The following SLU7 variants were observed in gnomAD, a reference collection of about 807,000 sequenced individuals.
The protein encoded by SLU7 is spliceosome associated SLU7.
Under a neutral mutation model 87.0 loss-of-function variants are expected in SLU7, and 60 were observed. That is an observed-to-expected ratio of 0.69 (90% CI 0.56 to 0.86). The LOEUF (loss-of-function observed/expected upper bound fraction) is 0.86. Ranked by LOEUF, SLU7 falls within the 40% of genes least tolerant of loss-of-function variation. SLU7 has a pLI of 0.00. For missense variants in SLU7, 507 were observed against 686.6 expected, an observed-to-expected ratio of 0.74 and a Z score of 2.92; for synonymous variants, 197 against 222.0, an observed-to-expected ratio of 0.89 and a Z score of 1.00.
Position 160,407,391 on chromosome 5 carries a change from T to C in SLU7, c.1125+85A>G. 8.2e-7 allele frequency: 1 copy of C among 1,224,806 alleles called. No homozygotes were observed. Among genetic ancestry groups the C allele is most frequent in the Non-Finnish European group, 1.1e-6 (1 of 879,474 alleles). The allele number at this position is 1,224,806 out of a possible 1,614,324, so 75.9% of individuals were successfully genotyped here. ...TGGATTAAGAGGGCTCTCTTTGCAT[T>C]ATTTTCCAAATGTAAAACTAACGCT... is the stretch of plus-strand genomic sequence containing the variant. On this transcript the variant is annotated intron_variant, in intron 11 of 15. Coordinates refer to ENST00000297151, the MANE Select transcript of SLU7 (RefSeq NM_006425.5). This position sits in a 1 kb window ranked among gnomAD's most constrained non-coding sequence, Gnocchi z 4.2.
chr5:160,407,865 A>G lies in SLU7; in HGVS notation c.918-52T>C, dbSNP rs770904695. 4 of 1,529,200 alleles carry G rather than the reference A, an allele frequency of 2.6e-6. No individual in the cohort carries two copies. Among genetic ancestry groups the G allele is most frequent in the Non-Finnish European group, 3.6e-6 (4 of 1,105,448 alleles). The allele number at this position is 1,529,200 out of a possible 1,614,324, so 94.7% of individuals were successfully genotyped here. On this transcript the variant is annotated intron_variant, in intron 9 of 15. Coordinates refer to ENST00000297151, the MANE Select transcript of SLU7 (RefSeq NM_006425.5). The surrounding 1 kb of genome is among the most constrained non-coding windows in gnomAD (Gnocchi z 4.2). ...TCAGAGATTGATTTAAGGAAAATTA[A>G]TTCGTAAAACTGAATCTGAATTAAA...
chr5:160,408,131 A>G (rs966565408), intron 8 of SLU7, 63 bp from the exon 9 acceptor site: 1 of 1,231,720 alleles, frequency 8.1e-7, no homozygotes, highest in Non-Finnish European at 1.2e-6. Context: ...TCAGCAGACT[A>G]GTTGGAGGAG....
intron 1 of SLU7, chr5:160,418,581 T>A (rs114714895): frequency 5.3e-4 from 80 of 152,334 alleles, no homozygotes; most frequent in African/African-American, 1.9e-3. Context: ...AGACACTGTT[T>A]AGCGCTTTAC....
At chr5:160,413,419 C>T (rs1410839891) in intron 5 of SLU7, 37 bp downstream of exon 5, 2 of 1,597,446 alleles carry the variant, frequency 1.3e-6, no homozygotes, top group East Asian at 4.5e-5. Flanking sequence ...AAGGACGATT[C>T]TTTAAAAACC....
At chr5:160,404,967 G>C in intron 13 of SLU7, 64 bp downstream of exon 13, 1 of 1,514,840 alleles carries the variant, frequency 6.6e-7, no homozygotes, top group Non-Finnish European at 9.2e-7. Context: ...GAGACAGCAT[G>C]TTTTAGTTTG....
At chr5:160,415,026 TGAA>T (rs1387157348) in intron 2 of SLU7, 96 bp downstream of exon 2, 2 of 1,025,336 alleles carry the variant, frequency 2.0e-6, no homozygotes, top group Non-Finnish European at 2.8e-6. Flanking sequence ...ATGACATAAA[TGAA>T]GAGAGGTTCC....
intron 13 of SLU7, 58 bp downstream of exon 13, chr5:160,404,973 G>A (rs1764947245): frequency 1.3e-6 from 2 of 1,528,420 alleles, no homozygotes; most frequent in Non-Finnish European, 9.1e-7. Context: ...GCATGTTTTA[G>A]TTTGACTTAG....
rs1184319417 is a variant in SLU7, at chr5:160,415,321, A to C, written c.-16-11T>G. ...GTTATCTGGCCTCCTCTAGGAAAAG[A>C]AGTGAAACTTACAGTAAAAAGTAGG... On this transcript the variant is annotated splice_polypyrimidine_tract_variant and intron_variant, in intron 1 of 15. Coordinates refer to ENST00000297151, the MANE Select transcript of SLU7 (RefSeq NM_006425.5). 1 of 1,527,776 alleles carries C rather than the reference A, an allele frequency of 6.5e-7. No homozygotes were observed. 94.6% of individuals were successfully genotyped at this position (1,527,776 alleles called of 1,614,324 possible).
At chr5:160,403,499 C>G in intron 15 of SLU7, 35 bp from the exon 16 acceptor site, 1 of 1,521,032 alleles carries the variant, frequency 6.6e-7, no homozygotes, top group African/African-American at 1.4e-5. Flanking sequence ...TATCACAGCT[C>G]TACATCAGAT....
At position 160,408,664 on chromosome 5, in the gene SLU7, G is replaced by T; in HGVS notation, c.673C>A (p.Pro225Thr). The T allele has an allele frequency of 6.4e-7, 1 of 1,572,528 alleles. No homozygotes were observed. The highest frequency in any genetic ancestry group is 8.7e-7 in the Non-Finnish European group (1 of 1,151,542). ...SPKHQWGEEE[P>T]NSQMEKDHNS... ...ATATGTATTACCATCTGAGAATTTG[G>T]TTCCTCTTCTCCCCACTGGTGTTTT... The change falls in exon 7 of 16, where the codon CCA becomes ACA. Residue 225 changes from proline (P) to threonine (T), a missense_variant. Physicochemically the swap from Pro to Thr is conservative, Grantham distance 38. This residue lies in a region of SLU7 where 155 missense variants were observed against 154.4 expected (regional missense o/e 1.00). Coordinates refer to ENST00000297151, the MANE Select transcript of SLU7 (RefSeq NM_006425.5).
At position 160,414,297 on chromosome 5, in the gene SLU7, T is replaced by G; in HGVS notation, c.324+22A>C. The G allele has an allele frequency of 2.6e-6, 4 of 1,557,024 alleles. No individual in the cohort carries two copies. The South Asian group carries it at 4.9e-5, about 19-fold the overall frequency. On this transcript the variant is annotated intron_variant, in intron 3 of 15. Coordinates refer to ENST00000297151, the MANE Select transcript of SLU7 (RefSeq NM_006425.5). Reference sequence around the variant, plus strand: ...CTTAAACTCTCCATATCCATGAAGATGTATACAGGTTGCCTACATACCTCT... The same window carrying G: ...CTTAAACTCTCCATATCCATGAAGAGGTATACAGGTTGCCTACATACCTCT...
intron 1 of SLU7, chr5:160,417,051 C>G (rs553304110): frequency 6.6e-6 from 1 of 152,298 alleles, no homozygotes; most frequent in Admixed American, 6.5e-5. Context: ...TGAGAGGTAC[C>G]TTTCACCATG....
chr5:160,411,591 G>GT (rs1391615295), intron 6 of SLU7, among the ~76,000 whole-genome samples: 1 of 152,160 alleles, frequency 6.6e-6, no homozygotes, highest in Non-Finnish European at 1.5e-5. Flanking sequence ...TAGTAACTCG[G>GT]TAACTGCTTA....
intron 5 of SLU7, 106 bp from the exon 6 acceptor site, chr5:160,412,625 C>T (rs1765289504): frequency 4.4e-6 from 3 of 678,724 alleles, no homozygotes; most frequent in Non-Finnish European, 7.3e-6. Flanking sequence ...AAATGAATAA[C>T]TTTAAATTAA....
intron 6 of SLU7, among the ~76,000 whole-genome samples, chr5:160,411,146 G>A (rs933683873): frequency 1.3e-5 from 2 of 152,160 alleles, no homozygotes; most frequent in East Asian, 1.9e-4. Context: ...GATTATAGGC[G>A]TCAGCCACCG....
At chr5:160,413,277 TA>T (rs1765314457) in intron 5 of SLU7, among the ~76,000 whole-genome samples, 178 bp downstream of exon 5, 1 of 152,182 alleles carries the variant, frequency 6.6e-6, no homozygotes, top group Non-Finnish European at 1.5e-5. Flanking sequence ...CAAGTATGGC[TA>T]GCACACTATT....
At chr5:160,415,403 A>G in intron 1 of SLU7, 93 bp from the exon 2 acceptor site, 3 of 956,598 alleles carry the variant, frequency 3.1e-6, no homozygotes, top group Non-Finnish European at 4.4e-6. Context: ...ATACTGTTTC[A>G]TATGTTTTTT....
intron 1 of SLU7, among the ~76,000 whole-genome samples, chr5:160,415,511 GGA>G (rs1485718180): frequency 1.3e-5 from 2 of 152,042 alleles, no homozygotes; most frequent in African/African-American, 4.8e-5. Flanking sequence ...ATTTACAAAT[GGA>G]GAGAGACACA....
rs202028395 is a variant in SLU7 at position 160,405,031 on chromosome 5, A to G, written c.1392T>C (p.Val464=). 3.0e-5 allele frequency: 48 copies of G among 1,608,352 alleles called. No homozygotes were observed. Among genetic ancestry groups the G allele is most frequent in the Non-Finnish European group, 3.9e-5 (46 of 1,174,884 alleles). Residue 464 remains valine, a splice_region_variant and synonymous_variant, in exon 13 of 16, where the codon GTT becomes GTC. Transcript: ENST00000297151. ...YCTGEAGKEI[V]NSEECIINEI... is the part of the protein sequence containing the mutation. ...TTAAGAACCAAAGACAATTACTTACAACAATCTCCTTCCCAGCTTCTCCAG... is the reference window on the plus strand; with the variant it reads ...TTAAGAACCAAAGACAATTACTTACGACAATCTCCTTCCCAGCTTCTCCAG...
Sources: gnomAD v4.1 joint callset for allele counts (sites outside exome capture counted in the v4.1 genomes callset) on GRCh38, gnomAD v4.1.1 for gene constraint, gnomAD v4.1.1 regional missense constraint, Gnocchi (gnomAD v3.1) non-coding constraint, MANE v1.5 for transcripts, NCBI Gene and HGNC (gene_info 2026-07-23, HGNC 2026-07-21) for gene names.